Variants in LRCH3 observed in about 807,000 individuals in gnomAD.
LRCH3 encodes the protein DISP complex protein LRCH3.
LRCH3 carries 68 observed loss-of-function variants against 104.5 expected under a neutral mutation model. The ratio of observed to expected loss-of-function variants is 0.65; its 90% CI spans 0.54 to 0.80. The LOEUF is 0.80. Among genes scored for constraint, LRCH3 ranks in the 30% least tolerant of loss-of-function variants. The pLI is 0.00. For missense variants in LRCH3, 951 were observed against 953.9 expected, an observed-to-expected ratio of 1.00 and a Z score of 0.04; for synonymous variants, 344 against 361.3, an observed-to-expected ratio of 0.95 and a Z score of 0.54.
chr3:197,883,416 G>A lies in LRCH3; in HGVS notation c.2209-125G>A, dbSNP rs894869640. On this transcript the variant is annotated intron_variant, in intron 20 of 20. Coordinates refer to ENST00000425562, the MANE Select transcript of LRCH3 (RefSeq NM_001365715.1). This position sits in a 1 kb window ranked among gnomAD's most constrained non-coding sequence, Gnocchi z 4.2. ...ATTTACACTGAGGTCAGTTTCCCAG[G>A]TACTAATTTTCATATCTAAGTTGAT... 3 of 1,404,432 alleles carry A rather than the reference G, an allele frequency of 2.1e-6. No homozygotes were observed. In the African/African-American group the frequency reaches 4.4e-5, roughly 20 times the overall value. 87.0% of individuals were successfully genotyped at this position (1,404,432 alleles called of 1,614,324 possible).
intron 20 of LRCH3, chr3:197,880,577 GCTC>G: frequency 6.5e-7 from 1 of 1,536,534 alleles, no homozygotes; most frequent in African/African-American, 1.4e-5. Context: ...CTGTTGAAAC[GCTC>G]CTTTCTCTTG....
At chr3:197,820,283 G>A in intron 3 of LRCH3, 42 bp from the exon 4 acceptor site, 1 of 1,390,412 alleles carries the variant, frequency 7.2e-7, no homozygotes, top group Non-Finnish European at 1.0e-6. Flanking sequence ...AGACAAGTTT[G>A]TAATGTTAGG....
intron 1 of LRCH3, among the ~76,000 whole-genome samples, chr3:197,806,332 G>C (rs555899298): frequency 6.6e-6 from 1 of 151,902 alleles, no homozygotes; most frequent in East Asian, 1.9e-4. Context: ...TTACTGTGTT[G>C]CCCAGGCTGG....
intron 16 of LRCH3, 136 bp from the exon 17 acceptor site, chr3:197,865,976 C>A: frequency 1.5e-6 from 1 of 650,480 alleles, no homozygotes. Context: ...TTTTCTGTAC[C>A]AGACTTTTCA....
At chr3:197,813,006 C>A (rs1383238842) in intron 1 of LRCH3, among the ~76,000 whole-genome samples, 6 of 152,168 alleles carry the variant, frequency 3.9e-5, no homozygotes, top group African/African-American at 1.4e-4. Context: ...GTTCCAATTT[C>A]TCCACATTCT....
chr3:197,812,508 T>TTTTTTTTTTTG (rs1733268414), intron 1 of LRCH3, among the ~76,000 whole-genome samples: 1 of 123,684 alleles, frequency 8.1e-6, no homozygotes, highest in East Asian at 2.3e-4. Context: ...CTTTCAGTTT[T>TTTTTTTTTTTG]TTTTTTTTTT....
In LRCH3 at chr3:197,854,446, G is replaced by GT; in HGVS notation, c.1644+2dup. ...CACTGATGATAGTGCCTTGTGCATG[G>GT]TAAGAGTTTTGCACAAAACGGAGTT... is the stretch of plus-strand genomic sequence containing the variant. On this transcript the variant is annotated splice_donor_variant, in intron 14 of 20. Coordinates refer to ENST00000425562, the MANE Select transcript of LRCH3 (RefSeq NM_001365715.1). LOFTEE classifies it high-confidence loss of function. The surrounding 1 kb of genome is among the most constrained non-coding windows in gnomAD (Gnocchi z 4.5). 1.2e-6 allele frequency: 2 copies of GT among 1,613,880 alleles called. No homozygotes were observed. The highest frequency in any genetic ancestry group is 1.7e-6 in the Non-Finnish European group (2 of 1,179,752).
At position 197,849,722 on chromosome 3, in the gene LRCH3, T is replaced by C. The variant is rs1739311602; in HGVS notation, c.1530+1701T>C. Among the ~76,000 whole-genome samples the C allele has an allele frequency of 2.0e-5, 3 of 152,180 alleles. No homozygotes were observed. In the South Asian group the frequency reaches 6.2e-4, roughly 32 times the overall value. On this transcript the variant is annotated intron_variant, in intron 12 of 20. Coordinates refer to ENST00000425562, the MANE Select transcript of LRCH3 (RefSeq NM_001365715.1). ...CTAGGAAGATTAAGCAATGTGGTCA[T>C]TTATAGTACATTTGTTTTCTTAATC...
intron 10 of LRCH3, among the ~76,000 whole-genome samples, chr3:197,844,867 G>T (rs1019317687): frequency 1.3e-5 from 2 of 152,044 alleles, no homozygotes; most frequent in Non-Finnish European, 2.9e-5. Context: ...TGATCCGCCC[G>T]CCTCGGCCTC....
At chr3:197,795,228 A>G (rs1306981811) in intron 1 of LRCH3, among the ~76,000 whole-genome samples, 2 of 152,110 alleles carry the variant, frequency 1.3e-5, no homozygotes, top group Admixed American at 1.3e-4. Flanking sequence ...AAGGGACATC[A>G]GTTAATTTTG....
At chr3:197,845,977 G>C (rs1002436255) in intron 10 of LRCH3, among the ~76,000 whole-genome samples, 2 of 152,208 alleles carry the variant, frequency 1.3e-5, no homozygotes, top group Non-Finnish European at 2.9e-5. Context: ...AAACACACTT[G>C]AGTTGGTTTA....
intron 5 of LRCH3, among the ~76,000 whole-genome samples, chr3:197,828,957 C>T (rs1170013144): frequency 1.3e-5 from 2 of 152,098 alleles, no homozygotes; most frequent in African/African-American, 2.4e-5. Context: ...GATCCACCCA[C>T]CTCAGACTCC....
intron 16 of LRCH3, 112 bp downstream of exon 16, chr3:197,865,583 C>T (rs1411411187): frequency 1.6e-6 from 1 of 623,118 alleles, no homozygotes; most frequent in East Asian, 3.7e-5. Context: ...CCAGGGTGGT[C>T]TCAAACTCCT....
chr3:197,834,971 C>T (rs1038771068), intron 8 of LRCH3, among the ~76,000 whole-genome samples: 9 of 152,088 alleles, frequency 5.9e-5, no homozygotes, highest in Admixed American at 1.3e-4. Context: ...TGGTGAAACC[C>T]CGTCTCTACT....
chr3:197,835,608 GCTAT>G lies in LRCH3; in HGVS notation c.1103-62_1103-59del. ...GGAAATAAGTAAATGTCTTTTATTG[GCTAT>G]CTAATTTGAATGTTTTTTTCTGGTG... On this transcript the variant is annotated intron_variant, in intron 8 of 20. Transcript: ENST00000425562. The G allele has an allele frequency of 2.2e-5, 30 of 1,378,660 alleles. 1 individual carries two copies. Among genetic ancestry groups the G allele is most frequent in the East Asian group, 5.5e-5 (2 of 36,230 alleles). 85.4% of individuals were successfully genotyped at this position (1,378,660 alleles called of 1,614,324 possible).
intron 20 of LRCH3, among the ~76,000 whole-genome samples, chr3:197,877,643 A>G (rs549196019): frequency 6.6e-6 from 1 of 152,360 alleles, no homozygotes; most frequent in South Asian, 2.1e-4. Context: ...ACATGTTACA[A>G]AGTGAAAGAG....
At chr3:197,861,765 G>A (rs1216190288) in intron 15 of LRCH3, among the ~76,000 whole-genome samples, 4 of 151,778 alleles carry the variant, frequency 2.6e-5, no homozygotes, top group Admixed American at 1.3e-4. Flanking sequence ...ATTCTCTAGT[G>A]AGAGATTATT....
intron 8 of LRCH3, among the ~76,000 whole-genome samples, chr3:197,834,939 T>A (rs1560558540): frequency 2.6e-5 from 4 of 151,974 alleles, no homozygotes; most frequent in Admixed American, 2.0e-4. Flanking sequence ...AGCCCAGGAG[T>A]TGGAGACCAG....
intron 1 of LRCH3, among the ~76,000 whole-genome samples, chr3:197,794,440 A>G (rs994588839): frequency 6.6e-5 from 10 of 152,326 alleles, no homozygotes; most frequent in Admixed American, 6.5e-4. Context: ...TATGGCAGGT[A>G]CTTTGATTAA....
Sources: allele counts gnomAD v4.1 joint callset (sites outside exome capture counted in the v4.1 genomes callset), GRCh38; gene constraint gnomAD v4.1.1; non-coding constraint Gnocchi (gnomAD v3.1); transcripts MANE v1.5; gene names NCBI Gene and HGNC (gene_info 2026-07-23, HGNC 2026-07-21).